Variants in MTMR7 observed in about 807,000 individuals in gnomAD.
The protein encoded by MTMR7 is myotubularin related protein 7, also known as phosphatidylinositol-3-phosphate phosphatase MTMR7.
A neutral mutation model predicts 81.2 loss-of-function variants in MTMR7; 76 were observed. That is an observed-to-expected ratio of 0.94 (90% CI 0.78 to 1.13). The LOEUF is 1.13. MTMR7 is among the 50% of genes most tolerant of loss of function. The pLI is 0.00. For synonymous variants in MTMR7, 372 were observed against 289.8 expected, an observed-to-expected ratio of 1.28 and a Z score of -2.88; for missense variants, 1,044 against 820.0, an observed-to-expected ratio of 1.27 and a Z score of -3.34.
chr8:17,337,556 AT>A (rs917527254), intron 6 of MTMR7, among the ~76,000 whole-genome samples: 3 of 151,440 alleles, frequency 2.0e-5, no homozygotes, highest in East Asian at 1.9e-4. Context: ...GAAGAGTATA[AT>A]TTTTTTTTGG....
intron 1 of MTMR7, among the ~76,000 whole-genome samples, chr8:17,377,660 T>C (rs1225533499): frequency 2.0e-5 from 3 of 152,148 alleles, no homozygotes; most frequent in African/African-American, 7.2e-5. Context: ...TAACAAAAGT[T>C]TTTAAATTCA....
chr8:17,331,218 A>C lies in MTMR7; in HGVS notation c.797T>G (p.Ile266Ser), dbSNP rs1304012234. 2 of 1,612,738 alleles carry C rather than the reference A, an allele frequency of 1.2e-6. No homozygotes were observed. Among genetic ancestry groups the C allele is most frequent in the Non-Finnish European group, 1.7e-6 (2 of 1,179,634 alleles). The change falls in exon 7 of 14, where the codon ATC becomes AGC. Residue 266 changes from isoleucine (I) to serine (S), a missense_variant. Physicochemically the swap from Ile to Ser is moderately radical, Grantham distance 142. Coordinates refer to ENST00000180173, the MANE Select transcript of MTMR7 (RefSeq NM_004686.5). ...GYENEDNYSN[I>S]KFQFIGIENI... ...CTCTATCCCGATAAACTGAAACTTG[A>C]TATTGGAATAATTGTCTTCATTCTC...
Position 17,298,986 on chromosome 8 carries a change from T to TTCAC in MTMR7, c.*872_*875dup, listed in dbSNP as rs1325126415. On this transcript the variant is annotated 3_prime_UTR_variant, in exon 14 of 14. Coordinates refer to ENST00000180173, the MANE Select transcript of MTMR7 (RefSeq NM_004686.5). The stretch of plus-strand genomic sequence containing the variant: ...ATTCTCTGGTTCTTGAAACTGGATT[T>TTCAC]TCACTCACAGATGTTTTATCTACTA... 6.6e-6 allele frequency: 1 copy of TTCAC among 152,194 alleles called. No individual in the cohort carries two copies. Among genetic ancestry groups the TTCAC allele is most frequent in the African/African-American group, 2.4e-5 (1 of 41,456 alleles). The allele number at this position is 152,194 out of a possible 1,614,324, so 9.4% of individuals were successfully genotyped here.
At chr8:17,370,792 C>A (rs912598960) in intron 3 of MTMR7, among the ~76,000 whole-genome samples, 2 of 151,856 alleles carry the variant, frequency 1.3e-5, no homozygotes, top group African/African-American at 4.8e-5. Flanking sequence ...TCCTATAACC[C>A]CACCAAGATT....
intron 13 of MTMR7, among the ~76,000 whole-genome samples, chr8:17,300,482 C>T (rs1817042586): frequency 6.6e-6 from 1 of 152,076 alleles, no homozygotes; most frequent in South Asian, 2.1e-4. Context: ...GTTGAAGCAC[C>T]CAGTGAACCC....
intron 1 of MTMR7, among the ~76,000 whole-genome samples, chr8:17,394,445 G>C (rs970195029): frequency 6.6e-6 from 1 of 152,190 alleles, no homozygotes; most frequent in Non-Finnish European, 1.5e-5. Context: ...AAAGAAGCCA[G>C]TCACAACGGA....
At chr8:17,403,458 C>G (rs964044215) in intron 1 of MTMR7, among the ~76,000 whole-genome samples, 3 of 152,140 alleles carry the variant, frequency 2.0e-5, no homozygotes, top group Non-Finnish European at 4.4e-5. Context: ...ATGCCAATAC[C>G]ATACTGTTTT....
At chr8:17,372,944 A>C in intron 2 of MTMR7, 174 bp downstream of exon 2, 1 of 656,482 alleles carries the variant, frequency 1.5e-6, no homozygotes, top group African/African-American at 1.8e-5. Context: ...TGAATAGTCG[A>C]TCAAGTAGAT....
chr8:17,320,773 T>G (rs2150508152), intron 7 of MTMR7, among the ~76,000 whole-genome samples: 1 of 152,292 alleles, frequency 6.6e-6, no homozygotes, highest in Admixed American at 6.5e-5. Context: ...CTTCTGCCTA[T>G]GCACGCGGCC....
intron 8 of MTMR7, 58 bp downstream of exon 8, chr8:17,313,234 T>A (rs1394525095): frequency 5.3e-6 from 7 of 1,315,414 alleles, no homozygotes; most frequent in Non-Finnish European, 6.6e-6. Context: ...GGATACCCAT[T>A]TTGAAGTCAG....
intron 1 of MTMR7, among the ~76,000 whole-genome samples, chr8:17,391,605 T>C (rs186462931): frequency 2.0e-4 from 31 of 152,284 alleles, no homozygotes; most frequent in African/African-American, 6.7e-4. Context: ...GCAGAATCCC[T>C]TCCTTAAACT....
chr8:17,348,020 G>T (rs13268203), intron 5 of MTMR7, among the ~76,000 whole-genome samples: 9 of 152,124 alleles, frequency 5.9e-5, no homozygotes, highest in Admixed American at 5.2e-4. Flanking sequence ...GTACCTGAAG[G>T]CTAAGTGGGG....
In MTMR7 at chr8:17,382,215, A is replaced by AG. The variant is rs570023646; in HGVS notation, c.25-8976dup. On this transcript the variant is annotated intron_variant, in intron 1 of 13. Coordinates refer to ENST00000180173, the MANE Select transcript of MTMR7 (RefSeq NM_004686.5). ...CTAACAGCCTCTGAAGCTGGCCCAG[A>AG]GGCTGCACTGATATCCAGTGTTCTG... is the stretch of plus-strand genomic sequence containing the variant. 1.2e-3 allele frequency among the ~76,000 whole-genome samples: 184 copies of AG among 152,342 alleles called. 1 individual carries two copies. Among genetic ancestry groups the AG allele is most frequent in the African/African-American group, 4.2e-3 (176 of 41,576 alleles).
chr8:17,371,622 T>C (rs1278741666), intron 2 of MTMR7, among the ~76,000 whole-genome samples: 1 of 152,194 alleles, frequency 6.6e-6, no homozygotes, highest in African/African-American at 2.4e-5. Context: ...TAATTCCACA[T>C]GGAATGTTCG....
At chr8:17,322,518 G>C (rs1818443328) in intron 7 of MTMR7, among the ~76,000 whole-genome samples, 1 of 152,134 alleles carries the variant, frequency 6.6e-6, no homozygotes, top group Non-Finnish European at 1.5e-5. Flanking sequence ...GTAAAACTTT[G>C]CAACAAATAA....
intron 7 of MTMR7, among the ~76,000 whole-genome samples, chr8:17,318,506 G>A (rs1411700971): frequency 1.3e-5 from 2 of 152,130 alleles, no homozygotes; most frequent in South Asian, 2.1e-4. Flanking sequence ...GAGGATGGAC[G>A]GCTCCCACAA....
At chr8:17,338,974 T>G (rs1051779487) in intron 6 of MTMR7, 1 of 152,068 alleles carries the variant, frequency 6.6e-6, no homozygotes, top group Non-Finnish European at 1.5e-5. Flanking sequence ...AGGGGACGAG[T>G]AGGGCACTGA....
In MTMR7 at chr8:17,349,053, T is replaced by A. The variant is rs760216505; in HGVS notation, c.497A>T (p.Tyr166Phe). 17 of 1,612,390 alleles carry A rather than the reference T, an allele frequency of 1.1e-5. No individual in the cohort carries two copies. The South Asian group carries it at 1.8e-4, about 17-fold the overall frequency. The change falls in exon 5 of 14, where the codon TAC becomes TTC. Residue 166 changes from tyrosine to phenylalanine, a missense_variant. Physicochemically the swap from Tyr to Phe is conservative, Grantham distance 22 (BLOSUM62 3). Transcript: ENST00000180173. ...GTGTGCCGTGGCCGATTTGGGAACG[T>A]ACAGTTCAGTAGGATAAGAGTCACA... ...RVCDSYPTEL[Y>F]VPKSATAHII...
At position 17,297,753 on chromosome 8, in the gene MTMR7, G is replaced by T. The variant is rs564780353; in HGVS notation, c.*2109C>A. 1 of 150,938 alleles carries T rather than the reference G, an allele frequency of 6.6e-6. No homozygotes were observed. The highest frequency in any genetic ancestry group is 2.0e-4 in the East Asian group (1 of 5,128). 9.3% of individuals were successfully genotyped at this position (150,938 alleles called of 1,614,324 possible). ...TGTTGGGGATATTTTAGTCTTGTTG[G>T]GTTAGCCATGCTCTGAAGAATCTGT... On this transcript the variant is annotated 3_prime_UTR_variant, in exon 14 of 14. Coordinates refer to ENST00000180173, the MANE Select transcript of MTMR7 (RefSeq NM_004686.5).
Sources: allele counts gnomAD v4.1 joint callset (sites outside exome capture counted in the v4.1 genomes callset), GRCh38; gene constraint gnomAD v4.1.1; transcripts MANE v1.5; gene names NCBI Gene and HGNC (gene_info 2026-07-23, HGNC 2026-07-21).